The following NELL1 variants were observed in gnomAD, a reference collection of about 807,000 sequenced individuals.
NELL1 encodes neural EGFL like 1, also known as protein kinase C-binding protein NELL1.
A neutral mutation model predicts 107.4 loss-of-function variants in NELL1; 76 were observed. That is an observed-to-expected ratio of 0.71 (90% CI 0.59 to 0.86). The LOEUF (loss-of-function observed/expected upper bound fraction) is 0.86. NELL1 is among the 40% of genes least tolerant of loss of function. NELL1 has a pLI of 0.00. For synonymous variants in NELL1, 353 were observed against 341.2 expected (o/e 1.03, Z -0.38); for missense variants, 1,024 against 1,005.5 (o/e 1.02, Z -0.25).
intron 13 of NELL1, among the ~76,000 whole-genome samples, chr11:21,136,928 G>A (rs1169282332): frequency 1.3e-5 from 2 of 152,222 alleles, no homozygotes; most frequent in East Asian, 3.9e-4. Flanking sequence ...AAGAAGAGAA[G>A]AGAAGGTGAG....
intron 15 of NELL1, among the ~76,000 whole-genome samples, chr11:21,490,457 C>A (rs370620656): frequency 2.1e-3 from 75 of 36,500 alleles, no homozygotes; most frequent in African/African-American, 6.0e-3. Context: ...GTGTATGGAA[C>A]CAAAAAAAAA....
chr11:21,318,860 G>C (rs764194302), intron 14 of NELL1, among the ~76,000 whole-genome samples: 1 of 152,030 alleles, frequency 6.6e-6, no homozygotes, highest in Non-Finnish European at 1.5e-5. Flanking sequence ...GATGGGGTGA[G>C]TTAAAATCCC....
At chr11:21,560,455 C>G (rs1226827215) in intron 17 of NELL1, 73 bp downstream of exon 17, 2 of 1,292,726 alleles carry the variant, frequency 1.5e-6, no homozygotes, top group African/African-American at 1.5e-5. Context: ...ACCTCCCCAG[C>G]TCTCTCCCTC....
At chr11:21,015,659 A>G (rs1004189082) in intron 12 of NELL1, among the ~76,000 whole-genome samples, 37 of 151,752 alleles carry the variant, frequency 2.4e-4, no homozygotes, top group African/African-American at 8.7e-4. Context: ...GCCCATTTTC[A>G]AGACTTTTTT....
intron 13 of NELL1, among the ~76,000 whole-genome samples, chr11:21,156,511 G>C (rs1329794056): frequency 6.6e-6 from 1 of 152,058 alleles, no homozygotes; most frequent in Non-Finnish European, 1.5e-5. Context: ...TGAAGAGCAG[G>C]TGTAGTTTGA....
At chr11:21,247,641 T>C (rs758257423) in intron 14 of NELL1, among the ~76,000 whole-genome samples, 1 of 152,330 alleles carries the variant, frequency 6.6e-6, no homozygotes, top group African/African-American at 2.4e-5. Flanking sequence ...GGGTATTTTG[T>C]GGTTAACTTT....
At chr11:20,924,548 A>G (rs1850449017) in intron 7 of NELL1, among the ~76,000 whole-genome samples, 3 of 152,170 alleles carry the variant, frequency 2.0e-5, no homozygotes, top group Non-Finnish European at 2.9e-5. Context: ...AATTGCCACT[A>G]TTTCCCTTAG....
intron 12 of NELL1, among the ~76,000 whole-genome samples, chr11:21,004,969 T>C (rs575843949): frequency 6.6e-6 from 1 of 152,302 alleles, no homozygotes; most frequent in South Asian, 2.1e-4. Flanking sequence ...GAAAACAGGC[T>C]TATATCAGGA....
rs1322267788 is a variant in NELL1, at chr11:21,229,443, C to T, written c.1538C>T (p.Thr513Ile). ...TCKPGYVGNG[T>I]ICRAFCEEGC... ...AAACCGGGCTACGTGGGGAACGGGA[C>T]CATCTGCAGAGGTAGGCTTGCCGCC... is the stretch of plus-strand genomic sequence containing the variant. Residue 513 changes from threonine (T) to isoleucine (I), a missense_variant, in exon 14 of 20, where the codon ACC becomes ATC. Thr to Ile is a moderately conservative substitution (Grantham distance 89). Transcript: ENST00000357134. The T allele has an allele frequency of 1.9e-6, 3 of 1,613,708 alleles. No homozygotes were observed. Among genetic ancestry groups the T allele is most frequent in the Non-Finnish European group, 2.5e-6 (3 of 1,179,866 alleles).
intron 14 of NELL1, among the ~76,000 whole-genome samples, chr11:21,332,833 T>G (rs993662976): frequency 6.6e-6 from 1 of 152,036 alleles, no homozygotes; most frequent in Non-Finnish European, 1.5e-5. Context: ...AGAACAAACA[T>G]TTTCCTAGAA....
At chr11:21,315,884 G>GTGA (rs1338746323) in intron 14 of NELL1, among the ~76,000 whole-genome samples, 4 of 33,234 alleles carry the variant, frequency 1.2e-4, no homozygotes, top group African/African-American at 6.1e-4. Context: ...TGGTGGTGGT[G>GTGA]GTGTGAGTGT....
At chr11:21,417,554 G>T (rs1206803098) in intron 15 of NELL1, among the ~76,000 whole-genome samples, 2 of 151,574 alleles carry the variant, frequency 1.3e-5, no homozygotes, top group African/African-American at 2.4e-5. Context: ...TAAATCATCT[G>T]TGATGTACCT....
At chr11:20,755,537 TTTGTTTTTTTTTGTTTTTGTTTTTG>T (rs1264679840) in intron 2 of NELL1, among the ~76,000 whole-genome samples, 20 of 39,520 alleles carry the variant, frequency 5.1e-4, no homozygotes, top group African/African-American at 1.6e-3. Flanking sequence ...TGTGTGGGTT[TTTGTTTTTTTTTGTTTTTGTTTTTG>T]TTTTTTTTTT....
At chr11:21,505,990 A>G (rs1392627419) in intron 15 of NELL1, among the ~76,000 whole-genome samples, 1 of 152,216 alleles carries the variant, frequency 6.6e-6, no homozygotes, top group Non-Finnish European at 1.5e-5. Flanking sequence ...TGTTTAGTTC[A>G]GAGCCACCAG....
intron 14 of NELL1, among the ~76,000 whole-genome samples, chr11:21,255,711 A>G (rs1024985556): frequency 1.3e-5 from 2 of 152,034 alleles, no homozygotes; most frequent in African/African-American, 4.8e-5. Context: ...ATATTTGATT[A>G]TAGAAATATG....
intron 2 of NELL1, among the ~76,000 whole-genome samples, chr11:20,753,446 T>A (rs1856189407): frequency 6.6e-6 from 1 of 152,212 alleles, no homozygotes; most frequent in African/African-American, 2.4e-5. Context: ...TCCTCATGGC[T>A]TTTTGAACCC....
intron 12 of NELL1, among the ~76,000 whole-genome samples, chr11:21,073,462 T>C (rs1191806953): frequency 1.3e-5 from 2 of 152,300 alleles, no homozygotes; most frequent in Middle Eastern, 3.4e-3. Context: ...ACGAATGAGT[T>C]GATTTTCAAG....
At chr11:21,077,480 C>T (rs1003405158) in intron 12 of NELL1, among the ~76,000 whole-genome samples, 125 of 152,102 alleles carry the variant, frequency 8.2e-4, no homozygotes, top group African/African-American at 2.7e-3. Flanking sequence ...TGGTGGCTCA[C>T]GCCTGTAATC....
rs146949626 is a variant in NELL1 at position 21,431,083 on chromosome 11, A to AT, written c.1645+60138dup. On this transcript the variant is annotated intron_variant, in intron 15 of 19. Transcript: ENST00000357134. ...ACATTATGGAGCTAATCATATCATA[A>AT]TTTATGATGATATTGATTCAGAAGG... is the stretch of plus-strand genomic sequence containing the variant. Among the ~76,000 whole-genome samples the AT allele has an allele frequency of 8.4e-3, 1,276 of 152,278 alleles. 17 individuals are homozygous for AT. The highest frequency in any genetic ancestry group is 0.028 in the African/African-American group (1,160 of 41,556).
Sources: gnomAD v4.1 joint callset for allele counts (sites outside exome capture counted in the v4.1 genomes callset) on GRCh38, gnomAD v4.1.1 for gene constraint, MANE v1.5 for transcripts, NCBI Gene and HGNC (gene_info 2026-07-23, HGNC 2026-07-21) for gene names.